Variants in SLC39A11 observed in about 807,000 individuals in gnomAD.
SLC39A11 encodes the protein solute carrier family 39 member 11, also known as zinc transporter ZIP11.
SLC39A11 carries 33 observed loss-of-function variants against 36.1 expected under a neutral mutation model. That is an observed-to-expected ratio of 0.91 (90% CI 0.69 to 1.22). SLC39A11 has a LOEUF of 1.22. SLC39A11 is among the 50% of genes most tolerant of loss of function. The pLI, the probability that SLC39A11 is intolerant of heterozygous loss-of-function variation, is 0.00. For missense variants in SLC39A11, 432 were observed against 430.3 expected (o/e 1.00, Z -0.03); for synonymous variants, 166 against 170.3 (o/e 0.97, Z 0.20).
intron 5 of SLC39A11, among the ~76,000 whole-genome samples, chr17:72,905,761 T>TC (rs1252539377): frequency 6.6e-6 from 1 of 151,448 alleles, no homozygotes; most frequent in East Asian, 1.9e-4. Context: ...CTCAACTCTT[T>TC]TTTTTTTTTT....
intron 6 of SLC39A11, among the ~76,000 whole-genome samples, chr17:72,786,585 G>A (rs936923461): frequency 6.6e-6 from 1 of 152,132 alleles, no homozygotes; most frequent in East Asian, 1.9e-4. Flanking sequence ...ATCCCGGGGT[G>A]TTTTTCAGGA....
intron 4 of SLC39A11, among the ~76,000 whole-genome samples, chr17:72,957,416 A>C (rs1415255987): frequency 1.3e-5 from 2 of 152,230 alleles, no homozygotes; most frequent in Admixed American, 1.3e-4. Context: ...GACTAGAAAC[A>C]ATTGCTTTAG....
chr17:72,831,631 T>C (rs1435979321), intron 6 of SLC39A11, among the ~76,000 whole-genome samples: 1 of 152,246 alleles, frequency 6.6e-6, no homozygotes, highest in African/African-American at 2.4e-5. Flanking sequence ...ATGGTCTAAA[T>C]TGCTATCGTA....
At chr17:72,919,529 G>A (rs866512763) in intron 5 of SLC39A11, among the ~76,000 whole-genome samples, 8 of 151,926 alleles carry the variant, frequency 5.3e-5, no homozygotes, top group South Asian at 4.2e-4. Context: ...CAAGGGAACC[G>A]GGCGTGGTGG....
chr17:72,987,944 G>C (rs369983154), intron 4 of SLC39A11, among the ~76,000 whole-genome samples: 1 of 152,158 alleles, frequency 6.6e-6, no homozygotes, highest in East Asian at 1.9e-4. Flanking sequence ...GGTTTAAAAA[G>C]AGCATCTATA....
chr17:73,082,338 T>C (rs1328060525), intron 3 of SLC39A11, among the ~76,000 whole-genome samples: 1 of 151,962 alleles, frequency 6.6e-6, no homozygotes, highest in Admixed American at 6.6e-5. Flanking sequence ...CAAAGCAAAA[T>C]GTTATTTGAA....
chr17:73,047,990 A>AAAAAAAAATATATATAT (rs1555693446), intron 3 of SLC39A11, among the ~76,000 whole-genome samples: 4 of 58,698 alleles, frequency 6.8e-5, no homozygotes, highest in Non-Finnish European at 1.2e-4. Flanking sequence ...AAAAAAAAAA[A>AAAAAAAAATATATATAT]ATATATATAT....
chr17:73,013,447 G>A (rs1330202053), intron 4 of SLC39A11, among the ~76,000 whole-genome samples: 1 of 152,220 alleles, frequency 6.6e-6, no homozygotes, highest in African/African-American at 2.4e-5. Flanking sequence ...CTATTTCTGT[G>A]TTCAATCACA....
chr17:72,930,251 C>A (rs2084303671), intron 5 of SLC39A11, among the ~76,000 whole-genome samples: 1 of 152,178 alleles, frequency 6.6e-6, no homozygotes, highest in Non-Finnish European at 1.5e-5. Flanking sequence ...CCTTCCTGTT[C>A]CCTTGCTTTG....
chr17:73,086,777 G>C (rs2060744709), intron 2 of SLC39A11, among the ~76,000 whole-genome samples: 2 of 152,166 alleles, frequency 1.3e-5, no homozygotes, highest in Non-Finnish European at 2.9e-5. Flanking sequence ...CTGAGATCAT[G>C]CCACTGAACC....
chr17:73,075,054 A>G (rs533477395), intron 3 of SLC39A11, among the ~76,000 whole-genome samples: 40 of 152,338 alleles, frequency 2.6e-4, no homozygotes, highest in African/African-American at 8.9e-4. Context: ...CCGATGTTTC[A>G]GCCACTCCAA....
At chr17:72,968,692 A>G (rs192751356) in intron 4 of SLC39A11, among the ~76,000 whole-genome samples, 2 of 152,284 alleles carry the variant, frequency 1.3e-5, no homozygotes, top group Admixed American at 1.3e-4. Flanking sequence ...CAAAGGACAG[A>G]GGAAAAAAGC....
chr17:72,899,988 AAGAGAGAGAGAGAGAAAGAG>A (rs1199171857), intron 5 of SLC39A11, among the ~76,000 whole-genome samples: 5 of 23,784 alleles, frequency 2.1e-4, no homozygotes. Context: ...GAGAGAAAGA[AAGAGAGAGAGAGAGAAAGAG>A]AGAGAGAGAG....
intron 6 of SLC39A11, among the ~76,000 whole-genome samples, chr17:72,744,597 G>A (rs1192676433): frequency 1.3e-5 from 2 of 151,936 alleles, no homozygotes; most frequent in East Asian, 2.0e-4. Flanking sequence ...TCTGGAGGCT[G>A]AGAAGTCTGA....
chr17:72,843,983 T>G (rs1433405682), intron 6 of SLC39A11, among the ~76,000 whole-genome samples: 2 of 152,010 alleles, frequency 1.3e-5, no homozygotes, highest in Non-Finnish European at 2.9e-5. Flanking sequence ...TAGCAAAATG[T>G]CATCCTCAGG....
chr17:73,011,605 C>T (rs1243705708), intron 4 of SLC39A11, among the ~76,000 whole-genome samples: 1 of 150,408 alleles, frequency 6.6e-6, no homozygotes, highest in Non-Finnish European at 1.5e-5. Context: ...TATACGACAG[C>T]ATAACAGGGT....
intron 4 of SLC39A11, among the ~76,000 whole-genome samples, chr17:72,967,399 A>AGAGTGT (rs143987646): frequency 8.7e-5 from 12 of 138,276 alleles, no homozygotes; most frequent in South Asian, 2.3e-4. Flanking sequence ...AGAGAGAGAG[A>AGAGTGT]GTGTGTGTGT....
Position 72,698,179 on chromosome 17 carries a change from T to C in SLC39A11, c.671+38471A>G, listed in dbSNP as rs112349502. 5.4e-3 allele frequency among the ~76,000 whole-genome samples: 829 copies of C among 152,202 alleles called. 4 individuals are homozygous for C. Among genetic ancestry groups the C allele is most frequent in the African/African-American group, 0.018 (749 of 41,526 alleles). On this transcript the variant is annotated intron_variant, in intron 7 of 9. Transcript: ENST00000255559. ...ACTTTTACTTATGCACAGGCTGAAA[T>C]TGGGGGACTGCTTTGCAAGTTAAAG...
chr17:72,971,707 C>A (rs2087470195), intron 4 of SLC39A11, among the ~76,000 whole-genome samples: 1 of 150,988 alleles, frequency 6.6e-6, no homozygotes, highest in Admixed American at 6.7e-5. Context: ...AAACTGTATC[C>A]CTTGTTACTA....
Sources: gnomAD v4.1 joint callset for allele counts (sites outside exome capture counted in the v4.1 genomes callset) on GRCh38, gnomAD v4.1.1 for gene constraint, MANE v1.5 for transcripts, NCBI Gene and HGNC (gene_info 2026-07-23, HGNC 2026-07-21) for gene names.